The following LRRFIP2 variants were observed in gnomAD, a reference collection of about 807,000 sequenced individuals.
LRRFIP2 encodes leucine-rich repeat flightless-interacting protein 2.
In LRRFIP2, 109 loss-of-function variants were observed where a neutral mutation model predicts 125.9. The observed-to-expected ratio is 0.87, with a 90% CI of 0.74 to 1.01. The LOEUF (loss-of-function observed/expected upper bound fraction) is 1.01. LRRFIP2 is among the 50% of genes least tolerant of loss of function. The probability of loss-of-function intolerance (pLI) is 0.00; values close to 1 mark genes in which losing one functional copy is unlikely to be tolerated. For missense variants in LRRFIP2, 850 were observed against 862.3 expected (o/e 0.99, Z 0.18); for synonymous variants, 291 against 293.1 (o/e 0.99, Z 0.07).
intron 2 of LRRFIP2, chr3:37,135,097 G>T: frequency 7.5e-7 from 1 of 1,325,510 alleles, no homozygotes; most frequent in East Asian, 2.3e-5. Context: ...TCAGAAGAAT[G>T]CCATATGATG....
chr3:37,062,506 T>C (rs1226545864), intron 24 of LRRFIP2, among the ~76,000 whole-genome samples: 1 of 152,044 alleles, frequency 6.6e-6, no homozygotes, highest in Non-Finnish European at 1.5e-5. Flanking sequence ...ACATGAAAAC[T>C]TCAAATCACA....
intron 6 of LRRFIP2, among the ~76,000 whole-genome samples, chr3:37,117,681 T>C (rs1328401371): frequency 6.6e-6 from 1 of 152,136 alleles, no homozygotes. Context: ...AAAGTTTTCA[T>C]TAGGAAACAA....
chr3:37,137,606 A>G (rs920038820), intron 2 of LRRFIP2, among the ~76,000 whole-genome samples: 2 of 152,190 alleles, frequency 1.3e-5, no homozygotes, highest in African/African-American at 4.8e-5. Flanking sequence ...TACCATACAC[A>G]GTATCTAATA....
chr3:37,150,891 C>T (rs957426237), intron 1 of LRRFIP2, among the ~76,000 whole-genome samples: 1 of 152,126 alleles, frequency 6.6e-6, no homozygotes, highest in Admixed American at 6.6e-5. Context: ...ACTATTCCAC[C>T]AAAAAGTTTT....
At chr3:37,070,364 T>C (rs2090960482) in intron 21 of LRRFIP2, among the ~76,000 whole-genome samples, 1 of 151,572 alleles carries the variant, frequency 6.6e-6, no homozygotes, top group East Asian at 2.0e-4. Flanking sequence ...TCCACCCTCT[T>C]TGGCCTCCCA....
intron 2 of LRRFIP2, among the ~76,000 whole-genome samples, chr3:37,136,429 T>C (rs2095556069): frequency 1.3e-5 from 2 of 152,218 alleles, no homozygotes; most frequent in Admixed American, 1.3e-4. Flanking sequence ...ATAGTTTTGA[T>C]GGTATGTGAA....
intron 13 of LRRFIP2, among the ~76,000 whole-genome samples, chr3:37,106,748 G>C (rs2094345037): frequency 6.6e-6 from 1 of 152,108 alleles, no homozygotes; most frequent in Non-Finnish European, 1.5e-5. Context: ...TTTGAGGTGG[G>C]TGGACCACCT....
chr3:37,110,725 C>G (rs2094517670), intron 9 of LRRFIP2, among the ~76,000 whole-genome samples: 1 of 152,044 alleles, frequency 6.6e-6, no homozygotes, highest in Non-Finnish European at 1.5e-5. Context: ...ATGTGATGTT[C>G]ACTGTATTAT....
intron 2 of LRRFIP2, among the ~76,000 whole-genome samples, chr3:37,141,253 T>G (rs867042108): frequency 6.6e-5 from 10 of 152,198 alleles, no homozygotes; most frequent in African/African-American, 2.2e-4. Context: ...GTAATTCAAA[T>G]CTGAAAAAGG....
chr3:37,088,873 T>C (rs984694793), intron 18 of LRRFIP2, among the ~76,000 whole-genome samples: 16 of 152,022 alleles, frequency 1.1e-4, no homozygotes, highest in Non-Finnish European at 1.6e-4. Flanking sequence ...AAGATTTTCA[T>C]TGGAGGTAAA....
At chr3:37,128,407 T>C (rs1205773079) in intron 3 of LRRFIP2, among the ~76,000 whole-genome samples, 1 of 152,184 alleles carries the variant, frequency 6.6e-6, no homozygotes, top group Non-Finnish European at 1.5e-5. Context: ...CCAATTTCCA[T>C]ATGCCTATTC....
At chr3:37,108,153 G>A (rs774568592) in intron 12 of LRRFIP2, 24 bp from the exon 13 acceptor site, 1 of 1,579,416 alleles carries the variant, frequency 6.3e-7, no homozygotes, top group African/African-American at 1.3e-5. Flanking sequence ...AAGAAGAAAG[G>A]TTTTACAACA....
Position 37,109,664 on chromosome 3 carries a change from T to A in LRRFIP2, c.553A>T (p.Lys185Ter). The A allele has an allele frequency of 5.6e-6, 9 of 1,614,054 alleles. No homozygotes were observed. Among genetic ancestry groups the A allele is most frequent in the Non-Finnish European group, 7.6e-6 (9 of 1,179,942 alleles). Residue 185 changes from lysine (K) to a stop codon, truncating the protein, a stop_gained, in exon 10 of 28, where the codon AAG (lysine) becomes TAG (stop). Transcript: ENST00000336686. LOFTEE classifies it high-confidence loss of function. ...SLYSDPLATY[K>*]SDRASPTANS... ...CAGAAAGTACTAACCCTGTCACTCTTATATGTTGCCAGAGGGTCACTGTAC... is the reference window on the plus strand; with the variant it reads ...CAGAAAGTACTAACCCTGTCACTCTAATATGTTGCCAGAGGGTCACTGTAC...
At chr3:37,162,007 C>T (rs2150250496) in intron 1 of LRRFIP2, among the ~76,000 whole-genome samples, 1 of 151,414 alleles carries the variant, frequency 6.6e-6, no homozygotes, top group Middle Eastern at 3.4e-3. Context: ...GCAAAACCTC[C>T]TCTCATCTCT....
upstream of LRRFIP2, chr3:37,174,788 T>A (rs1457878268): frequency 6.6e-6 from 1 of 152,172 alleles, no homozygotes; most frequent in African/African-American, 2.4e-5. Flanking sequence ...ATAAAATGAG[T>A]AAAGAATGCC....
chr3:37,107,995 C>A, intron 13 of LRRFIP2, 78 bp downstream of exon 13: 1 of 1,197,452 alleles, frequency 8.4e-7, no homozygotes, highest in South Asian at 1.3e-5. Context: ...ACCATATCCT[C>A]AATATTCTAA....
chr3:37,055,983 T>C (rs2086735356), intron 25 of LRRFIP2, among the ~76,000 whole-genome samples: 2 of 152,378 alleles, frequency 1.3e-5, no homozygotes. Flanking sequence ...TTATAAGTCC[T>C]TCCCTTGCTG....
chr3:37,111,430 T>C (rs1308525326), intron 8 of LRRFIP2, among the ~76,000 whole-genome samples: 1 of 152,242 alleles, frequency 6.6e-6, no homozygotes, highest in Non-Finnish European at 1.5e-5. Context: ...AAGAGCTATG[T>C]ATTTGGTTCC....
chr3:37,072,889 A>T lies in LRRFIP2; in HGVS notation c.1372-7T>A. On this transcript the variant is annotated splice_polypyrimidine_tract_variant and splice_region_variant and intron_variant, in intron 20 of 27. Coordinates refer to ENST00000336686, the MANE Select transcript of LRRFIP2 (RefSeq NM_006309.4). ...GCTGCATGCGCTGCTTCTCCTGCAG[A>T]GGAAGAGGGGAAGAGAAGTAATAAA... 6.3e-7 allele frequency: 1 copy of T among 1,586,146 alleles called. No individual in the cohort carries two copies. Among genetic ancestry groups the T allele is most frequent in the Non-Finnish European group, 8.6e-7 (1 of 1,158,110 alleles).
Sources: allele counts gnomAD v4.1 joint callset (sites outside exome capture counted in the v4.1 genomes callset), GRCh38; gene constraint gnomAD v4.1.1; transcripts MANE v1.5; gene names NCBI Gene and HGNC (gene_info 2026-07-23, HGNC 2026-07-21).